The following PLCB1 variants were observed in gnomAD, a reference collection of about 807,000 sequenced individuals.
The protein encoded by PLCB1 is 1-phosphatidylinositol 4,5-bisphosphate phosphodiesterase beta-1.
PLCB1 carries 46 observed loss-of-function variants against 161.8 expected under a neutral mutation model. The observed-to-expected ratio is 0.28, with a 90% confidence interval of 0.22 to 0.36. The LOEUF is 0.36. PLCB1 is among the 10% of genes least tolerant of loss of function. The pLI, the probability that PLCB1 is intolerant of heterozygous loss-of-function variation, is 1.00. For missense variants in PLCB1, 1,016 were observed against 1,472.5 expected, an observed-to-expected ratio of 0.69 and a Z score of 5.07; for synonymous variants, 517 against 503.7, an observed-to-expected ratio of 1.03 and a Z score of -0.35.
chr20:8,430,673 G>A (rs1009700604), intron 3 of PLCB1, among the ~76,000 whole-genome samples: 3 of 152,170 alleles, frequency 2.0e-5, no homozygotes, highest in African/African-American at 7.2e-5. Context: ...AGAAAGAAGA[G>A]CCGGTACCAT....
intron 3 of PLCB1, among the ~76,000 whole-genome samples, chr20:8,440,414 T>G (rs6039164): frequency 6.6e-6 from 1 of 152,200 alleles, no homozygotes; most frequent in Non-Finnish European, 1.5e-5. Context: ...AGCTAGAACA[T>G]TGAAGAAAGA....
rs1280784234 is a variant in PLCB1 at position 8,660,053 on chromosome 20, A to T, written c.862+1349A>T. 2.6e-5 allele frequency among the ~76,000 whole-genome samples: 4 copies of T among 151,532 alleles called. No homozygotes were observed. The East Asian group carries it at 5.8e-4, about 22-fold the overall frequency. ...TGTAAAATCTAAAAATCTATTAATCATATTCTACATGCTACTAGTTGGGAA... is the reference window on the plus strand; with the variant it reads ...TGTAAAATCTAAAAATCTATTAATCTTATTCTACATGCTACTAGTTGGGAA... On this transcript the variant is annotated intron_variant, in intron 9 of 31. Transcript: ENST00000338037.
At chr20:8,821,276 C>T (rs1331224647) in intron 31 of PLCB1, among the ~76,000 whole-genome samples, 1 of 151,000 alleles carries the variant, frequency 6.6e-6, no homozygotes, top group African/African-American at 2.4e-5. Flanking sequence ...GTCAGGAGTT[C>T]GAGACCAGCC....
At chr20:8,175,973 G>T (rs576419195) in intron 2 of PLCB1, among the ~76,000 whole-genome samples, 2 of 152,268 alleles carry the variant, frequency 1.3e-5, no homozygotes, top group South Asian at 4.1e-4. Context: ...AAACCCCAGT[G>T]AGTTCTCACT....
chr20:8,784,899 G>T (rs1222768114), intron 27 of PLCB1, among the ~76,000 whole-genome samples: 1 of 152,150 alleles, frequency 6.6e-6, no homozygotes, highest in African/African-American at 2.4e-5. Context: ...CAGAGCTATC[G>T]CTGAGGTCGG....
chr20:8,655,374 T>A (rs539904987), intron 7 of PLCB1, among the ~76,000 whole-genome samples: 1 of 152,246 alleles, frequency 6.6e-6, no homozygotes, highest in African/African-American at 2.4e-5. Context: ...AATAGAGCCA[T>A]TAACAGACAA....
chr20:8,266,081 T>C (rs1469772914), intron 2 of PLCB1, among the ~76,000 whole-genome samples: 1 of 152,224 alleles, frequency 6.6e-6, no homozygotes, highest in Non-Finnish European at 1.5e-5. Flanking sequence ...ATGTCAGTGT[T>C]GAGGCTTTGT....
At chr20:8,165,970 G>A (rs1418374224) in intron 2 of PLCB1, among the ~76,000 whole-genome samples, 1 of 151,908 alleles carries the variant, frequency 6.6e-6, no homozygotes, top group Non-Finnish European at 1.5e-5. Flanking sequence ...CTTTGACCCT[G>A]GACCCTAGCT....
At chr20:8,666,910 C>T (rs1989825120) in intron 9 of PLCB1, among the ~76,000 whole-genome samples, 1 of 152,098 alleles carries the variant, frequency 6.6e-6, no homozygotes. Flanking sequence ...TCTTTCTCCT[C>T]CTGACCTACC....
chr20:8,673,925 C>T (rs1417430728), intron 9 of PLCB1, among the ~76,000 whole-genome samples: 1 of 152,162 alleles, frequency 6.6e-6, no homozygotes, highest in African/African-American at 2.4e-5. Context: ...GCTGACAGCT[C>T]TCTTTAGCTG....
intron 2 of PLCB1, among the ~76,000 whole-genome samples, chr20:8,326,514 A>G (rs1331690530): frequency 1.3e-5 from 2 of 152,216 alleles, no homozygotes; most frequent in Non-Finnish European, 2.9e-5. Flanking sequence ...CATAAAAAGT[A>G]TATTTTCCTT....
At chr20:8,175,111 G>GCACCAACC (rs1301663667) in intron 2 of PLCB1, among the ~76,000 whole-genome samples, 97 of 151,866 alleles carry the variant, frequency 6.4e-4, no homozygotes, top group Non-Finnish European at 1.2e-4. Context: ...AATTACTTTT[G>GCACCAACC]CACCAACCTA....
intron 3 of PLCB1, among the ~76,000 whole-genome samples, chr20:8,608,905 G>A (rs778921807): frequency 5.3e-5 from 8 of 152,104 alleles, no homozygotes; most frequent in Non-Finnish European, 1.0e-4. Flanking sequence ...AACAGTGATG[G>A]CCTCTGTAAT....
chr20:8,132,588 C>T lies in PLCB1; in HGVS notation c.-64C>T, dbSNP rs2051302547. ...GGAGCCCGCGCCCCGCGCCCCGCGCCCCGCGCACGGTCCCCAGTCCCTGCC... is the reference window on the plus strand; with the variant it reads ...GGAGCCCGCGCCCCGCGCCCCGCGCTCCGCGCACGGTCCCCAGTCCCTGCC... On this transcript the variant is annotated 5_prime_UTR_variant, in exon 1 of 32. Transcript: ENST00000338037. The surrounding 1 kb of genome is among the most constrained non-coding windows in gnomAD (Gnocchi z 5.2). 9.2e-7 allele frequency: 1 copy of T among 1,086,186 alleles called. No homozygotes were observed. Among genetic ancestry groups the T allele is most frequent in the Non-Finnish European group, 1.3e-6 (1 of 794,342 alleles). 67.3% of individuals were successfully genotyped at this position (1,086,186 alleles called of 1,614,324 possible).
At chr20:8,558,897 G>A (rs1986050415) in intron 3 of PLCB1, among the ~76,000 whole-genome samples, 1 of 151,852 alleles carries the variant, frequency 6.6e-6, no homozygotes. Context: ...GATAAAAGCT[G>A]ATAGAGTTTT....
At chr20:8,644,802 C>T (rs1259407112) in intron 4 of PLCB1, among the ~76,000 whole-genome samples, 2 of 152,098 alleles carry the variant, frequency 1.3e-5, no homozygotes, top group African/African-American at 2.4e-5. Flanking sequence ...CCCCTCTGCT[C>T]GGCCACCACC....
intron 3 of PLCB1, among the ~76,000 whole-genome samples, chr20:8,586,356 GTTT>G (rs11479321): frequency 6.8e-6 from 1 of 147,336 alleles, no homozygotes; most frequent in South Asian, 2.1e-4. Context: ...ATTTATTATG[GTTT>G]TTTTTTTTGC....
chr20:8,489,397 A>G (rs1383449153), intron 3 of PLCB1, among the ~76,000 whole-genome samples: 1 of 152,198 alleles, frequency 6.6e-6, no homozygotes, highest in Non-Finnish European at 1.5e-5. Context: ...CATAACTAAA[A>G]TATTTCAGCT....
intron 2 of PLCB1, among the ~76,000 whole-genome samples, chr20:8,331,837 A>G (rs545323458): frequency 3.1e-4 from 47 of 152,368 alleles, no homozygotes; most frequent in African/African-American, 1.1e-3. Flanking sequence ...TGTTTGCTTC[A>G]TATGGCTTAA....
Sources: gnomAD v4.1 joint callset for allele counts (sites outside exome capture counted in the v4.1 genomes callset) on GRCh38, gnomAD v4.1.1 for gene constraint, Gnocchi (gnomAD v3.1) non-coding constraint, MANE v1.5 for transcripts, NCBI Gene and HGNC (gene_info 2026-07-23, HGNC 2026-07-21) for gene names.